EIF2D: variants seen among roughly 807,000 people sequenced by gnomAD.
EIF2D encodes eukaryotic translation initiation factor 2D.
EIF2D carries 56 observed loss-of-function variants against 77.4 expected under a neutral mutation model. The observed-to-expected ratio is 0.72, with a 90% confidence interval of 0.58 to 0.90. The LOEUF is 0.90. Ranked by LOEUF, EIF2D falls within the 40% of genes least tolerant of loss-of-function variation. The pLI, the probability that EIF2D is intolerant of heterozygous loss-of-function variation, is 0.00. For synonymous variants in EIF2D, 230 were observed against 271.0 expected, an observed-to-expected ratio of 0.85 and a Z score of 1.49; for missense variants, 574 against 706.5, an observed-to-expected ratio of 0.81 and a Z score of 2.13.
In EIF2D at chr1:206,582,145, C is replaced by T. The variant is rs552840396; in HGVS notation, c.139-983G>A. On this transcript the variant is annotated intron_variant and NMD_transcript_variant, in intron 2 of 5. Transcript: ENST00000472709. ...CTCAGGGACAGTGTGAAGATAAAAC[C>T]GGGAGGTGGGTAACAGTGAACTTGA... Among the ~76,000 whole-genome samples, 127 of 152,222 alleles carry T rather than the reference C, an allele frequency of 8.3e-4. No individual in the cohort carries two copies. In the Middle Eastern group the frequency reaches 0.01, roughly 12 times the overall value.
In EIF2D at chr1:206,592,913, T is replaced by G. The variant is rs1444556228; in HGVS notation, c.1684+706A>C. Among the ~76,000 whole-genome samples, 3 of 151,872 alleles carry G rather than the reference T, an allele frequency of 2.0e-5. No individual in the cohort carries two copies. Among genetic ancestry groups the G allele is most frequent in the Admixed American group, 2.0e-4 (3 of 15,252 alleles). ...GGTCAGGAGTTCAAGACTGGCTTGG[T>G]CAACATAGTGAAACCCCATATCTAC... is the stretch of plus-strand genomic sequence containing the variant. On this transcript the variant is annotated intron_variant, in intron 14 of 14. Transcript: ENST00000271764. The surrounding 1 kb of genome is among the most constrained non-coding windows in gnomAD (Gnocchi z 4.7).
Position 206,597,229 on chromosome 1 carries a change from A to T in EIF2D, c.1293-34T>A, listed in dbSNP as rs538557900. On this transcript the variant is annotated intron_variant, in intron 11 of 14. Coordinates refer to ENST00000271764, the MANE Select transcript of EIF2D (RefSeq NM_006893.3). Reference sequence around the variant, plus strand: ...AAAGAAGAGGCAATGAAGAAATCCTAGACTTGTCCCTTCTGACCTGAAGGC... The same window carrying T: ...AAAGAAGAGGCAATGAAGAAATCCTTGACTTGTCCCTTCTGACCTGAAGGC... 1.6e-5 allele frequency: 25 copies of T among 1,541,944 alleles called. No individual in the cohort carries two copies. In the South Asian group the frequency reaches 2.2e-4, roughly 14 times the overall value.
intron 4 of EIF2D, 25 bp downstream of exon 4, chr1:206,608,211 A>G: frequency 6.2e-7 from 1 of 1,601,224 alleles, no homozygotes; most frequent in African/African-American, 1.3e-5. Context: ...TTTTCCCCCA[A>G]AGGCACAGTT....
Position 206,599,634 on chromosome 1 carries a change from G to GA in EIF2D, c.1053-23dup. On this transcript the variant is annotated intron_variant, in intron 9 of 14. Coordinates refer to ENST00000271764, the MANE Select transcript of EIF2D (RefSeq NM_006893.3). This position sits in a 1 kb window ranked among gnomAD's most constrained non-coding sequence, Gnocchi z 4.1. The stretch of plus-strand genomic sequence containing the variant: ...AATCCTAAAACCCAGCAGAAGGAAA[G>GA]AAAAAACACATTTTATACTAGCATC... The GA allele has an allele frequency of 6.3e-7, 1 of 1,599,890 alleles. No homozygotes were observed. The highest frequency in any genetic ancestry group is 8.5e-7 in the Non-Finnish European group (1 of 1,173,680).
rs530655770 is a variant in EIF2D at position 206,572,034 on chromosome 1, T to C, written c.*360-541A>G. On this transcript the variant is annotated intron_variant and NMD_transcript_variant, in intron 5 of 5. Transcript: ENST00000472709. ...ACAGAAATGGAAAGGATTTGGGTCA[T>C]CTATTTTCAGAAGCAGAGGACAGAA... Among the ~76,000 whole-genome samples, 8 of 152,302 alleles carry C rather than the reference T, an allele frequency of 5.3e-5. No homozygotes were observed. In the South Asian group the frequency reaches 1.7e-3, roughly 32 times the overall value.
chr1:206,583,306 C>T (rs202049293), intron 2 of EIF2D: 2 of 1,613,922 alleles, frequency 1.2e-6, no homozygotes, highest in Non-Finnish European at 8.5e-7. Flanking sequence ...CAGCGCCCGC[C>T]CACACTGCAG....
chr1:206,573,185 G>A (rs782626980), intron 4 of EIF2D, among the ~76,000 whole-genome samples: 18 of 152,304 alleles, frequency 1.2e-4, no homozygotes, highest in East Asian at 3.9e-4. Context: ...ATCAGTCTCC[G>A]TGTGGTGGCT....
chr1:206,596,979 C>G lies in EIF2D; in HGVS notation c.1388+121G>C. ...TCAAGCCTGTGTTTATGTAGACTGA[C>G]TTGGTATGAATTACAGAAAGAAAAT... is the stretch of plus-strand genomic sequence containing the variant. On this transcript the variant is annotated intron_variant, in intron 12 of 14. Transcript: ENST00000271764. 2 of 736,364 alleles carry G rather than the reference C, an allele frequency of 2.7e-6. 1 individual carries two copies. The highest frequency in any genetic ancestry group is 3.6e-5 in the South Asian group (2 of 55,424). The allele number at this position is 736,364 out of a possible 1,614,324, so 45.6% of individuals were successfully genotyped here. A position where few individuals can be genotyped will look rare whatever the true frequency, so the allele number is the denominator to read the frequency against.
rs1057106763 is a variant in EIF2D at position 206,599,719 on chromosome 1, C to T, written c.1052+14G>A. 3.7e-5 allele frequency: 60 copies of T among 1,613,858 alleles called. No individual in the cohort carries two copies. The highest frequency in any genetic ancestry group is 4.9e-5 in the Non-Finnish European group (58 of 1,179,870). On this transcript the variant is annotated intron_variant, in intron 9 of 14. Coordinates refer to ENST00000271764, the MANE Select transcript of EIF2D (RefSeq NM_006893.3). The surrounding 1 kb of genome is among the most constrained non-coding windows in gnomAD (Gnocchi z 4.1). ...GGGCCAGCTGGGCTACAGTGACAGG[C>T]CCCCTGCACTCACCTCGGGTGTTTC...
chr1:206,570,865 G>A (rs1558517153), downstream of EIF2D, among the ~76,000 whole-genome samples: 1 of 152,022 alleles, frequency 6.6e-6, no homozygotes, highest in African/African-American at 2.4e-5. Flanking sequence ...TTTGGCTACT[G>A]TGAATCGTGC....
chr1:206,598,763 TG>T (rs1669772445), intron 11 of EIF2D, among the ~76,000 whole-genome samples: 2 of 152,206 alleles, frequency 1.3e-5, no homozygotes, highest in African/African-American at 4.8e-5. Flanking sequence ...AGATGATTCA[TG>T]GGTATTTGTG....
At chr1:206,593,466 GGAGA>G (rs781913118) in intron 14 of EIF2D, among the ~76,000 whole-genome samples, 149 bp downstream of exon 14, 42 of 100,756 alleles carry the variant, frequency 4.2e-4, no homozygotes, top group African/African-American at 1.1e-3. Context: ...AAAACTAAAT[GGAGA>G]GAGAGAGAGA....
exon 4 of EIF2D, chr1:206,580,731 G>A (rs1280033526): frequency 6.6e-6 from 1 of 152,242 alleles, no homozygotes; most frequent in African/African-American, 2.4e-5. Context: ...CTTGCCCTTG[G>A]GTGGTCTGCA....
At chr1:206,583,961 T>C (rs1026889522) in intron 2 of EIF2D, among the ~76,000 whole-genome samples, 2 of 152,158 alleles carry the variant, frequency 1.3e-5, no homozygotes, top group Non-Finnish European at 2.9e-5. Flanking sequence ...GGCTGTTTCT[T>C]AGTAAAGAGA....
At chr1:206,589,721 AAAAC>A (rs1179273829), downstream of EIF2D, among the ~76,000 whole-genome samples, 1 of 152,252 alleles carries the variant, frequency 6.6e-6, no homozygotes, top group African/African-American at 2.4e-5. Context: ...TCAAATGACC[AAAAC>A]AAACAGTCCT....
chr1:206,595,441 A>T (rs2102278701), intron 13 of EIF2D: 1 of 232,778 alleles, frequency 4.3e-6, no homozygotes, highest in Admixed American at 5.3e-5. Context: ...TCCATAACAT[A>T]GTTCTAAGAA....
intron 4 of EIF2D, among the ~76,000 whole-genome samples, chr1:206,576,075 T>G (rs1031248252): frequency 6.6e-6 from 1 of 152,202 alleles, no homozygotes; most frequent in Non-Finnish European, 1.5e-5. Flanking sequence ...CCAAAAAGCT[T>G]AGGCACCAAA....
At chr1:206,600,115 T>G (rs888488357) in intron 8 of EIF2D, 148 bp downstream of exon 8, 1 of 823,496 alleles carries the variant, frequency 1.2e-6, no homozygotes, top group Non-Finnish European at 1.9e-6. Flanking sequence ...CAGGGAGAGT[T>G]TCTTTCTTCC....
chr1:206,599,985 A>G lies in EIF2D; in HGVS notation c.949-149T>C, dbSNP rs1180643068. On this transcript the variant is annotated intron_variant, in intron 8 of 14. Coordinates refer to ENST00000271764, the MANE Select transcript of EIF2D (RefSeq NM_006893.3). This position sits in a 1 kb window ranked among gnomAD's most constrained non-coding sequence, Gnocchi z 4.1. ...TCAACCAGGAACTGGGAGGCCCCCA[A>G]CCTGAGGGCCAGGGAGCAAGAAGCT... 1.3e-6 allele frequency: 1 copy of G among 784,786 alleles called. No individual in the cohort carries two copies. The highest frequency in any genetic ancestry group is 2.0e-6 in the Non-Finnish European group (1 of 495,922). The allele number at this position is 784,786 out of a possible 1,614,324, so 48.6% of individuals were successfully genotyped here.
Sources: allele counts gnomAD v4.1 joint callset (sites outside exome capture counted in the v4.1 genomes callset), GRCh38; gene constraint gnomAD v4.1.1; non-coding constraint Gnocchi (gnomAD v3.1); transcripts MANE v1.5; gene names NCBI Gene and HGNC (gene_info 2026-07-23, HGNC 2026-07-21).